The following CCND3 variants were observed in gnomAD, a reference collection of about 807,000 sequenced individuals.
CCND3 encodes G1/S-specific cyclin-D3.
A neutral mutation model predicts 28.7 loss-of-function variants in CCND3; 9 were observed. The ratio of observed to expected loss-of-function variants is 0.31; its 90% CI spans 0.19 to 0.55. The LOEUF (loss-of-function observed/expected upper bound fraction) is 0.55. Among genes scored for constraint, CCND3 ranks in the 20% least tolerant of loss-of-function variants. The probability of loss-of-function intolerance (pLI) is 0.93; values close to 1 mark genes in which losing one functional copy is unlikely to be tolerated. For synonymous variants in CCND3, 164 were observed against 163.9 expected, an observed-to-expected ratio of 1.00 and a Z score of 0.00; for missense variants, 315 against 385.8, an observed-to-expected ratio of 0.82 and a Z score of 1.54.
intron 1 of CCND3, among the ~76,000 whole-genome samples, chr6:42,015,272 T>C (rs1179400187): frequency 6.6e-6 from 1 of 152,044 alleles, no homozygotes; most frequent in Admixed American, 6.6e-5. Context: ...CACCCAAGGA[T>C]TGATGATTCT....
At position 42,014,182 on chromosome 6, in the gene CCND3, G is replaced by A. The variant is rs189333242; in HGVS notation, c.-46+34319C>T. Reference sequence around the variant, plus strand: ...AGATCGAGACCATCCTGGCTAACACGGTGAAACCCCGTCTCTACCAAAAAT... The same window carrying A: ...AGATCGAGACCATCCTGGCTAACACAGTGAAACCCCGTCTCTACCAAAAAT... On this transcript the variant is annotated intron_variant, in intron 1 of 4. Transcript: ENST00000372988. Among the ~76,000 whole-genome samples, 1,049 of 150,086 alleles carry A rather than the reference G, an allele frequency of 7.0e-3. 8 individuals carry two copies. Among genetic ancestry groups the A allele is most frequent in the Middle Eastern group, 0.011 (3 of 274 alleles).
intron 1 of CCND3, among the ~76,000 whole-genome samples, chr6:42,020,730 AC>A (rs1763686287): frequency 6.6e-6 from 1 of 152,134 alleles, no homozygotes; most frequent in Admixed American, 6.5e-5. Flanking sequence ...ATGAGCAGTC[AC>A]CCCCTTTATC....
At chr6:41,988,818 G>C (rs7761947) in intron 1 of CCND3, among the ~76,000 whole-genome samples, 149,634 of 150,380 alleles carry the variant, frequency 1, 74,453 homozygotes, top group Middle Eastern at 1. Context: ...CCTGCCTGAG[G>C]CTCCCGAATA....
At chr6:41,945,343 G>C (rs2479719), upstream of CCND3, among the ~76,000 whole-genome samples, 6,739 of 152,210 alleles carry the variant, frequency 0.044, 284 homozygotes, top group African/African-American at 0.11. Flanking sequence ...GTAAAACCTT[G>C]TCTCTACTAA....
At position 41,987,475 on chromosome 6, in the gene CCND3, TTTTCTCTCTCTC is replaced by T. The variant is rs781690979; in HGVS notation, c.-45-46902_-45-46891del. Among the ~76,000 whole-genome samples the T allele has an allele frequency of 8.0e-3, 879 of 109,712 alleles. 5 individuals are homozygous for T. Among genetic ancestry groups the T allele is most frequent in the Non-Finnish European group, 0.011 (574 of 53,556 alleles). 72.0% of individuals were successfully genotyped at this position (109,712 alleles called of 152,430 possible). On this transcript the variant is annotated intron_variant, in intron 1 of 4. Coordinates refer to the CCND3 transcript ENST00000372988. ...TAACCACAACTCCCATGGACCAGGC[TTTTCTCTCTCTC>T]TCTCTCTCTCTCTCTCTCTCTCTCT...
At chr6:42,043,463 G>A (rs1192396935) in intron 1 of CCND3, among the ~76,000 whole-genome samples, 2 of 152,192 alleles carry the variant, frequency 1.3e-5, no homozygotes, top group Admixed American at 6.5e-5. Flanking sequence ...TCTGGGAGGC[G>A]GAGGTTGCAG....
upstream of CCND3, among the ~76,000 whole-genome samples, chr6:41,946,591 G>A (rs2127398136): frequency 2.4e-5 from 1 of 42,028 alleles, no homozygotes; most frequent in Non-Finnish European, 3.9e-5. Context: ...ACAGAGACCT[G>A]TCTCAAAAAA....
At chr6:41,953,931 G>A (rs879363177) in intron 1 of CCND3, among the ~76,000 whole-genome samples, 61 of 149,926 alleles carry the variant, frequency 4.1e-4, no homozygotes, top group Admixed American at 2.9e-3. Flanking sequence ...TTAAGAGTTT[G>A]AAAAAAAAAT....
At chr6:41,994,779 A>C (rs1762747137) in intron 1 of CCND3, among the ~76,000 whole-genome samples, 1 of 152,108 alleles carries the variant, frequency 6.6e-6, no homozygotes, top group African/African-American at 2.4e-5. Flanking sequence ...CTACTCTAAA[A>C]AAATAAAATA....
chr6:42,018,689 C>T (rs142449754), intron 1 of CCND3, among the ~76,000 whole-genome samples: 32,214 of 151,360 alleles, frequency 0.21, 3,575 homozygotes, highest in Middle Eastern at 0.31. Context: ...GTCGGGAGTT[C>T]GAGACCAGCC....
Position 41,935,435 on chromosome 6 carries a change from G to A in CCND3, c.*505C>T, listed in dbSNP as rs1426593693. Reference sequence around the variant, plus strand: ...TCCCTCTAGGAGCAGCTGTCAGCACGGACTACATAGGGGCCTCCAAAGTAC... The same window carrying A: ...TCCCTCTAGGAGCAGCTGTCAGCACAGACTACATAGGGGCCTCCAAAGTAC... On this transcript the variant is annotated 3_prime_UTR_variant, in exon 5 of 5. Transcript: ENST00000372991. 8.1e-6 allele frequency: 2 copies of A among 248,048 alleles called. No homozygotes were observed. The highest frequency in any genetic ancestry group is 1.2e-4 in the East Asian group (2 of 16,962). The allele number at this position is 248,048 out of a possible 1,614,324, so 15.4% of individuals were successfully genotyped here.
chr6:41,965,094 G>A (rs1582114148), intron 1 of CCND3, among the ~76,000 whole-genome samples: 2 of 96,762 alleles, frequency 2.1e-5, no homozygotes, highest in African/African-American at 8.3e-5. Context: ...TTTTGACAGA[G>A]TTTCGCTCTT....
At chr6:42,003,791 T>C (rs1463638244) in intron 1 of CCND3, among the ~76,000 whole-genome samples, 1 of 151,244 alleles carries the variant, frequency 6.6e-6, no homozygotes, top group South Asian at 2.1e-4. Flanking sequence ...ACACAAAAAT[T>C]AGCTGGGCTT....
At chr6:42,038,784 C>T (rs547155296) in intron 1 of CCND3, among the ~76,000 whole-genome samples, 33 of 152,080 alleles carry the variant, frequency 2.2e-4, no homozygotes, top group African/African-American at 3.6e-4. Context: ...CAAAAGCAAC[C>T]ACCATTTAAA....
intron 1 of CCND3, among the ~76,000 whole-genome samples, chr6:42,014,540 A>G (rs886580591): frequency 2.6e-5 from 4 of 152,270 alleles, no homozygotes; most frequent in African/African-American, 7.2e-5. Context: ...GAAAATGCTC[A>G]TCCTATATAC....
rs934752431 is a variant in CCND3, at chr6:41,940,946, A to T, written c.199-361T>A. 1.9e-6 allele frequency: 3 copies of T among 1,612,350 alleles called. No homozygotes were observed. The Admixed American group carries it at 5.0e-5, about 27-fold the overall frequency. On this transcript the variant is annotated intron_variant, in intron 1 of 4. Coordinates refer to ENST00000372991, the MANE Select transcript of CCND3 (RefSeq NM_001760.5). ...TCACCCCCATCACCGCCACCACTGC[A>T]CACACCCGAGGGGAAGGGAGGAGGC...
intron 1 of CCND3, among the ~76,000 whole-genome samples, chr6:41,981,682 C>T (rs1490142495): frequency 6.6e-6 from 1 of 152,018 alleles, no homozygotes; most frequent in Non-Finnish European, 1.5e-5. Flanking sequence ...TGCCACCACA[C>T]CTAGCCAATT....
intron 1 of CCND3, among the ~76,000 whole-genome samples, chr6:41,988,370 C>T (rs1252460203): frequency 6.6e-6 from 1 of 152,108 alleles, no homozygotes; most frequent in Non-Finnish European, 1.5e-5. Context: ...CGCTCACCAT[C>T]TTCTCTCAAT....
At position 41,938,194 on chromosome 6, in the gene CCND3, TG is replaced by T. The variant is rs1775871139; in HGVS notation, c.415-801del. The T allele has an allele frequency of 6.6e-6, 1 of 152,308 alleles. No individual in the cohort carries two copies. Among genetic ancestry groups the T allele is most frequent in the Non-Finnish European group, 1.5e-5 (1 of 68,104 alleles). The allele number at this position is 152,308 out of a possible 1,614,324, so 9.4% of individuals were successfully genotyped here. ...CCAGTACTAGGTCTCGGGAGAAGGC[TG>T]GGAGCTCCACCCCAGTCCACTCGTC... On this transcript the variant is annotated intron_variant, in intron 2 of 4. Transcript: ENST00000372991. This position sits in a 1 kb window ranked among gnomAD's most constrained non-coding sequence, Gnocchi z 4.6.
Sources: gnomAD v4.1 joint callset for allele counts (sites outside exome capture counted in the v4.1 genomes callset) on GRCh38, gnomAD v4.1.1 for gene constraint, Gnocchi (gnomAD v3.1) non-coding constraint, MANE v1.5 for transcripts, NCBI Gene and HGNC (gene_info 2026-07-23, HGNC 2026-07-21) for gene names.